FAM193A: variants seen among roughly 807,000 people sequenced by gnomAD.
FAM193A encodes the protein family with sequence similarity 193 member A.
In FAM193A, 22 loss-of-function variants were observed where a neutral mutation model predicts 126.5. The observed-to-expected ratio is 0.17, with a 90% CI of 0.12 to 0.25. The LOEUF (loss-of-function observed/expected upper bound fraction) is 0.25, where lower values mean the gene tolerates loss of function less well. Ranked by LOEUF, FAM193A falls within the 10% of genes least tolerant of loss-of-function variation. FAM193A has a pLI of 1.00. For missense variants in FAM193A, 1,675 were observed against 1,672.8 expected (o/e 1.00, Z -0.02); for synonymous variants, 761 against 646.8 (o/e 1.18, Z -2.68).
rs141524456 is a variant in FAM193A, at chr4:2,593,837, A to G, written c.256-2247A>G. On this transcript the variant is annotated intron_variant, in intron 1 of 20. Transcript: ENST00000637812. ...GTTTTCTAAGACCTGAGGAAAAGAGATGGCTTTATATTGGGGTAAATCAGT... is the reference window on the plus strand; with the variant it reads ...GTTTTCTAAGACCTGAGGAAAAGAGGTGGCTTTATATTGGGGTAAATCAGT... Among the ~76,000 whole-genome samples the G allele has an allele frequency of 1.4e-3, 210 of 150,682 alleles. 1 individual carries two copies. The highest frequency in any genetic ancestry group is 5.0e-3 in the African/African-American group (205 of 41,072).
intron 20 of FAM193A, among the ~76,000 whole-genome samples, chr4:2,717,335 G>A (rs559268416): frequency 1.3e-5 from 2 of 152,272 alleles, no homozygotes; most frequent in South Asian, 2.1e-4. Flanking sequence ...GCTCACACCT[G>A]TAATCCCAAC....
Position 2,626,517 on chromosome 4 carries a change from C to T in FAM193A, c.743C>T (p.Ala248Val). 1.4e-6 allele frequency: 1 copy of T among 702,436 alleles called. No individual in the cohort carries two copies. Among genetic ancestry groups the T allele is most frequent in the East Asian group, 2.7e-5 (1 of 37,278 alleles). The allele number at this position is 702,436 out of a possible 1,614,324, so 43.5% of individuals were successfully genotyped here. Residue 248 changes from alanine to valine, a missense_variant, in exon 4 of 21, where the codon GCA (alanine) becomes GTA (valine). Coordinates refer to ENST00000637812, the MANE Select transcript of FAM193A (RefSeq NM_001366318.2). ...TACCGCCAGGCAGGAACCCCGCTGGCAGATGACCAGGACCAGTCTCTGGTG... is the reference window on the plus strand; with the variant it reads ...TACCGCCAGGCAGGAACCCCGCTGGTAGATGACCAGGACCAGTCTCTGGTG... Reference protein sequence around the residue: ...CIYRQAGTPLADDQDQSLVPD... With the variant: ...CIYRQAGTPLVDDQDQSLVPD...
intron 1 of FAM193A, among the ~76,000 whole-genome samples, chr4:2,577,422 G>GTTTGTTTTTTTTT (rs1739656562): frequency 1.7e-5 from 2 of 115,542 alleles, no homozygotes; most frequent in African/African-American, 3.4e-5. Context: ...TTTTTTTTTT[G>GTTTGTTTTTTTTT]TTTTTTTTTT....
At chr4:2,653,750 C>T (rs1373179829) in intron 7 of FAM193A, among the ~76,000 whole-genome samples, 2 of 152,150 alleles carry the variant, frequency 1.3e-5, no homozygotes, top group Admixed American at 1.3e-4. Flanking sequence ...CCAGGAGATG[C>T]ATTTTTATTT....
chr4:2,692,437 C>T (rs1368726174), intron 15 of FAM193A, among the ~76,000 whole-genome samples: 1 of 152,080 alleles, frequency 6.6e-6, no homozygotes, highest in Non-Finnish European at 1.5e-5. Context: ...ACAACCAAAC[C>T]CTATCACTGG....
rs1214274543 is a variant in FAM193A, at chr4:2,537,523, C to A, written c.255+353C>A. ...GGGTGCAGCTCCGCGCACGGCGCTT[C>A]GCCTTCCGCTGGACCCGGCGGGTGA... On this transcript the variant is annotated intron_variant, in intron 1 of 20. Transcript: ENST00000637812. Among the ~76,000 whole-genome samples, 5 of 152,368 alleles carry A rather than the reference C, an allele frequency of 3.3e-5. No individual in the cohort carries two copies. The East Asian group carries it at 9.7e-4, about 29-fold the overall frequency.
intron 1 of FAM193A, among the ~76,000 whole-genome samples, chr4:2,587,039 T>C (rs1740277449): frequency 6.6e-6 from 1 of 152,212 alleles, no homozygotes; most frequent in Non-Finnish European, 1.5e-5. Flanking sequence ...TATAATTTTA[T>C]GTGCTTTATG....
rs904795940 is a variant in FAM193A, at chr4:2,536,832, G to C, written c.-84G>C. The C allele has an allele frequency of 6.8e-6, 1 of 146,716 alleles. No homozygotes were observed. Among genetic ancestry groups the C allele is most frequent in the Non-Finnish European group, 1.5e-5 (1 of 65,730 alleles). The allele number at this position is 146,716 out of a possible 1,614,324, so 9.1% of individuals were successfully genotyped here. A position where few individuals can be genotyped will look rare whatever the true frequency, so the allele number is the denominator to read the frequency against. On this transcript the variant is annotated 5_prime_UTR_variant, in exon 1 of 21. Transcript: ENST00000637812. Reference sequence around the variant, plus strand: ...GCTGGCCGGAGCGCCCGCCGCCGCGGCCGCCTCAGCCTCCCCGCCTTCCCC... The same window carrying C: ...GCTGGCCGGAGCGCCCGCCGCCGCGCCCGCCTCAGCCTCCCCGCCTTCCCC...
rs1233743433 is a variant in FAM193A, at chr4:2,646,672, T to G, written c.1164-13T>G. 6.9e-6 allele frequency: 11 copies of G among 1,588,492 alleles called. No individual in the cohort carries two copies. Among genetic ancestry groups the G allele is most frequent in the African/African-American group, 1.4e-5 (1 of 73,462 alleles). ...GGGTTCTTTCCTTTGTTACAAGGCC[T>G]TCTCTCTCCTAGGCTAGGAACCACC... On this transcript the variant is annotated splice_polypyrimidine_tract_variant and intron_variant, in intron 6 of 20. Coordinates refer to ENST00000637812, the MANE Select transcript of FAM193A (RefSeq NM_001366318.2).
intron 2 of FAM193A, among the ~76,000 whole-genome samples, chr4:2,614,473 A>T (rs1742068394): frequency 6.6e-6 from 1 of 152,148 alleles, no homozygotes; most frequent in Non-Finnish European, 1.5e-5. Flanking sequence ...TTTGGTTGTG[A>T]TGTATTATCC....
intron 10 of FAM193A, 110 bp from the exon 11 acceptor site, chr4:2,662,728 T>C: frequency 2.6e-6 from 2 of 758,304 alleles, no homozygotes; most frequent in Non-Finnish European, 2.1e-6. Flanking sequence ...TAATACTCTT[T>C]GTAAATGAAA....
intron 1 of FAM193A, among the ~76,000 whole-genome samples, chr4:2,567,902 T>C (rs1739062386): frequency 6.6e-6 from 1 of 152,210 alleles, no homozygotes. Flanking sequence ...CTTTCTTCCA[T>C]TACCCTGTGC....
chr4:2,650,611 G>T (rs964228772), intron 7 of FAM193A, among the ~76,000 whole-genome samples: 20 of 152,300 alleles, frequency 1.3e-4, no homozygotes, highest in South Asian at 8.3e-4. Flanking sequence ...CTCCCAGAGA[G>T]GCTGCTTGTG....
chr4:2,671,390 G>C (rs938416013), intron 12 of FAM193A, among the ~76,000 whole-genome samples: 1 of 152,172 alleles, frequency 6.6e-6, no homozygotes, highest in Non-Finnish European at 1.5e-5. Context: ...TTCACCCTCT[G>C]CCTGACCAGG....
intron 19 of FAM193A, chr4:2,708,077 T>TG (rs1437696021): frequency 1.4e-5 from 6 of 426,594 alleles, no homozygotes; most frequent in Non-Finnish European, 2.3e-5. Context: ...TGGATAGTGC[T>TG]GCCCTAACTG....
At position 2,689,685 on chromosome 4, in the gene FAM193A, C is replaced by G. The variant is rs751328376; in HGVS notation, c.2511C>G (p.Phe837Leu). Residue 837 changes from phenylalanine (F) to leucine (L), a missense_variant, in exon 14 of 21, where the codon TTC (phenylalanine) becomes TTG (leucine). By Grantham distance (22) the Phe-to-Leu change is conservative. Transcript: ENST00000637812. ...ATAAGAACTGGAATCCTGGCACTTTCTTGCCAGATACAATTTCTGGTAAGG... is the reference window on the plus strand; with the variant it reads ...ATAAGAACTGGAATCCTGGCACTTTGTTGCCAGATACAATTTCTGGTAAGG... Reference protein sequence around the residue: ...MNDKNWNPGTFLPDTISGSEI... With the variant: ...MNDKNWNPGTLLPDTISGSEI... 1 of 1,569,828 alleles carries G rather than the reference C, an allele frequency of 6.4e-7. No individual in the cohort carries two copies. The highest frequency in any genetic ancestry group is 8.6e-7 in the Non-Finnish European group (1 of 1,165,562).
At chr4:2,679,381 T>C (rs868137882) in intron 13 of FAM193A, among the ~76,000 whole-genome samples, 24 of 123,586 alleles carry the variant, frequency 1.9e-4, no homozygotes, top group African/African-American at 7.9e-4. Flanking sequence ...CTTTCTTTTT[T>C]TTTTTTTTTT....
chr4:2,620,244 T>G (rs1742460771), intron 2 of FAM193A, among the ~76,000 whole-genome samples: 1 of 152,178 alleles, frequency 6.6e-6, no homozygotes, highest in African/African-American at 2.4e-5. Context: ...AAGACTTACT[T>G]TCATGTCTTG....
intron 2 of FAM193A, among the ~76,000 whole-genome samples, chr4:2,617,675 C>G (rs1188031864): frequency 1.3e-5 from 2 of 152,172 alleles, no homozygotes; most frequent in Non-Finnish European, 2.9e-5. Flanking sequence ...AGCCTCTACT[C>G]TCAAAGAATA....
Sources: gnomAD v4.1 joint callset for allele counts (sites outside exome capture counted in the v4.1 genomes callset) on GRCh38, gnomAD v4.1.1 for gene constraint, MANE v1.5 for transcripts, NCBI Gene and HGNC (gene_info 2026-07-23, HGNC 2026-07-21) for gene names.